The following H1-1 variants were observed in gnomAD, a reference collection of about 807,000 sequenced individuals.
The protein encoded by H1-1 is H1.1 linker histone, cluster member.
In H1-1, 2 loss-of-function variants were observed where a neutral mutation model predicts 0.8. The observed-to-expected ratio is 2.64, with a 90% CI of 1.08 to 8.30. The LOEUF (loss-of-function observed/expected upper bound fraction) is 8.30. Among genes scored for constraint, H1-1 ranks in the 30% most tolerant of loss-of-function variants. The pLI is 0.04. For missense variants in H1-1, 516 were observed against 262.6 expected (o/e 1.97, Z -6.67); for synonymous variants, 211 against 108.2 (o/e 1.95, Z -5.89).
rs751144903 is a variant in H1-1 at position 26,017,169 on chromosome 6, CTTAGCT to C, written c.558_563del (p.Lys188_Ala189del). On this transcript the variant is annotated inframe_deletion, in exon 1 of 1. Coordinates refer to ENST00000244573, the MANE Select transcript of H1-1 (RefSeq NM_005325.4). ...CCTTGGCCGCCTTGGGTTTTACAGC[CTTAGCT>C]TTAGCAGGGCTTTTAGCTACTTTCT... is the stretch of plus-strand genomic sequence containing the variant. 5.0e-6 allele frequency: 8 copies of C among 1,614,006 alleles called. No individual in the cohort carries two copies. In the Admixed American group the frequency reaches 1.3e-4, roughly 27 times the overall value.
rs769056610 is a variant in H1-1 at position 26,017,781 on chromosome 6, A to G, written c.-49T>C. 1 of 1,548,010 alleles carries G rather than the reference A, an allele frequency of 6.5e-7. No individual in the cohort carries two copies. The highest frequency in any genetic ancestry group is 8.8e-7 in the Non-Finnish European group (1 of 1,141,798). Reference sequence around the variant, plus strand: ...TAAAGTGGTATAAACCTGACGAAGCAGGATGCGAAAAAAAGGCCCCAACGC... The same window carrying G: ...TAAAGTGGTATAAACCTGACGAAGCGGGATGCGAAAAAAAGGCCCCAACGC... On this transcript the variant is annotated 5_prime_UTR_variant, in exon 1 of 1. Coordinates refer to ENST00000244573, the MANE Select transcript of H1-1 (RefSeq NM_005325.4).
At position 26,017,331 on chromosome 6, in the gene H1-1, A is replaced by T. The variant is rs1387173744; in HGVS notation, c.402T>A (p.Gly134=). ...SKVATKTKAT[G]ASKKLKKATG... ...TGGCCTTTTTGAGCTTTTTAGATGC[A>T]CCCGTTGCCTTAGTTTTTGTAGCCA... Residue 134 remains glycine (G), a synonymous_variant, in exon 1 of 1, where the codon GGT becomes GGA. Coordinates refer to ENST00000244573, the MANE Select transcript of H1-1 (RefSeq NM_005325.4). 6.2e-7 allele frequency: 1 copy of T among 1,613,620 alleles called. No homozygotes were observed. The highest frequency in any genetic ancestry group is 1.7e-5 in the Admixed American group (1 of 59,970).
In H1-1 at chr6:26,017,666, T is replaced by TG. The variant is rs771962054; in HGVS notation, c.66_67insC (p.Lys23GlnfsTer7). 3.7e-5 allele frequency: 60 copies of TG among 1,613,968 alleles called. No homozygotes were observed. The Admixed American group carries it at 8.7e-4, about 23-fold the overall frequency. ...GCAGCCTTAGCAGGTTTCTTTGCCT[T>TG]CTTGCCAGCTAAAGGTTTCTCAGGA... is the stretch of plus-strand genomic sequence containing the variant. On this transcript the variant is annotated frameshift_variant, in exon 1 of 1. Coordinates refer to ENST00000244573, the MANE Select transcript of H1-1 (RefSeq NM_005325.4). LOFTEE classifies it low-confidence loss of function (END_TRUNC).
rs1355502406 is a variant in H1-1, at chr6:26,017,384, C to T, written c.349G>A (p.Val117Met). 2 of 1,613,952 alleles carry T rather than the reference C, an allele frequency of 1.2e-6. No homozygotes were observed. The highest frequency in any genetic ancestry group is 1.7e-5 in the Admixed American group (1 of 59,994). The change falls in exon 1 of 1, where the codon GTG (valine) becomes ATG (methionine). Residue 117 changes from valine to methionine, a missense_variant. By Grantham distance (21) the Val-to-Met change is conservative. Coordinates refer to ENST00000244573, the MANE Select transcript of H1-1 (RefSeq NM_005325.4). Reference sequence around the variant, plus strand: ...TTTGAGGCGCCGGGCTTGGTTTCCACGGAGGACGCCTTCTTGTTGAGCTTG... The same window carrying T: ...TTTGAGGCGCCGGGCTTGGTTTCCATGGAGGACGCCTTCTTGTTGAGCTTG... ...SFKLNKKASS[V>M]ETKPGASKVA...
rs1761136853 is a variant in H1-1 at position 26,017,237 on chromosome 6, AG to A, written c.495del (p.Ser166ProfsTer10). 2 of 1,613,594 alleles carry A rather than the reference AG, an allele frequency of 1.2e-6. No homozygotes were observed. The highest frequency in any genetic ancestry group is 1.3e-5 in the African/African-American group (1 of 74,724). On this transcript the variant is annotated frameshift_variant, in exon 1 of 1. Transcript: ENST00000244573. LOFTEE classifies it low-confidence loss of function (END_TRUNC). ...KAKKPAATRKSSKNPKKPKTV... is the reference protein window; with the variant it reads ...KAKKPAATRKXSKNPKKPKTV... ...GTTTTGGGTTTTTTTGGATTCTTGG[AG>A]GATTTCCTTGTTGCCGCAGGCTTTT...
rs776480157 is a variant in H1-1 at position 26,017,288 on chromosome 6, T to C, written c.445A>G (p.Ser149Gly). The change falls in exon 1 of 1, where the codon AGC becomes GGC. Residue 149 changes from serine (S) to glycine (G), a missense_variant. By Grantham distance (56) the Ser-to-Gly change is moderately conservative (BLOSUM62 0). Transcript: ENST00000244573. ...TTAGCCTTTTTCGGAGTCTTGACGC[T>C]CTTTTTGCTAGCCCCCGTGGCCTTT... is the stretch of plus-strand genomic sequence containing the variant. ...LKKATGASKK[S>G]VKTPKKAKKP... is the part of the protein sequence containing the mutation. The C allele has an allele frequency of 1.2e-6, 2 of 1,614,026 alleles. No individual in the cohort carries two copies. The highest frequency in any genetic ancestry group is 8.5e-7 in the Non-Finnish European group (1 of 1,179,958).
chr6:26,017,152 G>A lies in H1-1; in HGVS notation c.581C>T (p.Ala194Val), dbSNP rs1341458731. ...PAKAKAVKPKAAKARVTKPKT... is the reference protein window; with the variant it reads ...PAKAKAVKPKVAKARVTKPKT... ...TGGCTTCGTCACCCTAGCCTTGGCC[G>A]CCTTGGGTTTTACAGCCTTAGCTTT... The change falls in exon 1 of 1, where the codon GCG (alanine) becomes GTG (valine). Residue 194 changes from alanine (A) to valine (V), a missense_variant. By Grantham distance (64) the Ala-to-Val change is moderately conservative. Coordinates refer to ENST00000244573, the MANE Select transcript of H1-1 (RefSeq NM_005325.4). 9 of 1,612,872 alleles carry A rather than the reference G, an allele frequency of 5.6e-6. No individual in the cohort carries two copies. The highest frequency in any genetic ancestry group is 7.6e-6 in the Non-Finnish European group (9 of 1,179,762).
rs761666400 is a variant in H1-1, at chr6:26,017,185, C to A, written c.548G>T (p.Ser183Ile). ...KTVKPKKVAK[S>I]PAKAKAVKPK... The stretch of plus-strand genomic sequence containing the variant: ...TTTTACAGCCTTAGCTTTAGCAGGG[C>A]TTTTAGCTACTTTCTTGGGCTTTAC... Residue 183 changes from serine to isoleucine, a missense_variant, in exon 1 of 1, where the codon AGC (serine) becomes ATC (isoleucine). Ser to Ile is a moderately radical substitution (Grantham distance 142). Transcript: ENST00000244573. The A allele has an allele frequency of 4.3e-6, 7 of 1,614,110 alleles. No individual in the cohort carries two copies. Among genetic ancestry groups the A allele is most frequent in the South Asian group, 2.2e-5 (2 of 91,082 alleles).
chr6:26,017,148 G>T lies in H1-1; in HGVS notation c.585C>A (p.Ala195=), dbSNP rs34998486. 6.2e-7 allele frequency: 1 copy of T among 1,612,164 alleles called. No individual in the cohort carries two copies. The highest frequency in any genetic ancestry group is 1.1e-5 in the South Asian group (1 of 90,814). ...TCTTTGGCTTCGTCACCCTAGCCTT[G>T]GCCGCCTTGGGTTTTACAGCCTTAG... The part of the protein sequence containing the change: ...AKAKAVKPKA[A]KARVTKPKTA... The change falls in exon 1 of 1, where the codon GCC becomes GCA. Residue 195 remains alanine (A), a synonymous_variant. Coordinates refer to ENST00000244573, the MANE Select transcript of H1-1 (RefSeq NM_005325.4).
At position 26,017,401 on chromosome 6, in the gene H1-1, T is replaced by A. The variant is rs774271253; in HGVS notation, c.332A>T (p.Asn111Ile). 1 of 1,614,128 alleles carries A rather than the reference T, an allele frequency of 6.2e-7. No homozygotes were observed. Among genetic ancestry groups the A allele is most frequent in the Non-Finnish European group, 8.5e-7 (1 of 1,180,020 alleles). Reference sequence around the variant, plus strand: ...GGTTTCCACGGAGGACGCCTTCTTGTTGAGCTTGAAGGAACCCGAGGCTCC... The same window carrying A: ...GGTTTCCACGGAGGACGCCTTCTTGATGAGCTTGAAGGAACCCGAGGCTCC... ...GTGASGSFKLNKKASSVETKP... is the reference protein window; with the variant it reads ...GTGASGSFKLIKKASSVETKP... The change falls in exon 1 of 1, where the codon AAC becomes ATC. Residue 111 changes from asparagine (N) to isoleucine (I), a missense_variant. Asn to Ile is a moderately radical substitution (Grantham distance 149). Coordinates refer to ENST00000244573, the MANE Select transcript of H1-1 (RefSeq NM_005325.4).
chr6:26,017,548 AACGACACACCACC>A lies in H1-1; in HGVS notation c.172_184del (p.Gly58TrpfsTer30). On this transcript the variant is annotated frameshift_variant, in exon 1 of 1. Coordinates refer to ENST00000244573, the MANE Select transcript of H1-1 (RefSeq NM_005325.4). LOFTEE classifies it low-confidence loss of function (END_TRUNC). ...CGCCAGCGCCTTTTTAAGAGCTGCC[AACGACACACCACC>A]ACGCTCCTTAGAGGAGGAAGCAGCC... is the stretch of plus-strand genomic sequence containing the variant. The A allele has an allele frequency of 6.2e-7, 1 of 1,614,086 alleles. No individual in the cohort carries two copies. Among genetic ancestry groups the A allele is most frequent in the South Asian group, 1.1e-5 (1 of 91,076 alleles).
Position 26,017,645 on chromosome 6 carries a change from C to A in H1-1, c.88G>T (p.Ala30Ser). Reference protein sequence around the residue: ...AGKKAKKPAKAAAASKKKPAG... With the variant: ...AGKKAKKPAKSAAASKKKPAG... ...GGTTTTTTCTTGGAGGCTGCTGCAGCCTTAGCAGGTTTCTTTGCCTTCTTG... is the reference window on the plus strand; with the variant it reads ...GGTTTTTTCTTGGAGGCTGCTGCAGACTTAGCAGGTTTCTTTGCCTTCTTG... The change falls in exon 1 of 1, where the codon GCT becomes TCT. Residue 30 changes from alanine to serine, a missense_variant. Transcript: ENST00000244573. 6.2e-7 allele frequency: 1 copy of A among 1,614,166 alleles called. No homozygotes were observed. Among genetic ancestry groups the A allele is most frequent in the Non-Finnish European group, 8.5e-7 (1 of 1,180,048 alleles).
rs145757054 is a variant in H1-1, at chr6:26,017,540, G to C, written c.193C>G (p.Leu65Val). ...CCTGCGGCCGCCAGCGCCTTTTTAA[G>C]AGCTGCCAACGACACACCACCACGC... is the stretch of plus-strand genomic sequence containing the variant. ...KERGGVSLAALKKALAAAGYD... is the reference protein window; with the variant it reads ...KERGGVSLAAVKKALAAAGYD... Residue 65 changes from leucine (L) to valine (V), a missense_variant, in exon 1 of 1, where the codon CTT becomes GTT. Transcript: ENST00000244573. 1 of 1,614,188 alleles carries C rather than the reference G, an allele frequency of 6.2e-7. No homozygotes were observed. The highest frequency in any genetic ancestry group is 2.2e-5 in the East Asian group (1 of 44,876).
rs752788356 is a variant in H1-1 at position 26,017,299 on chromosome 6, G to A, written c.434C>T (p.Ala145Val). The A allele has an allele frequency of 1.2e-6, 2 of 1,613,908 alleles. No individual in the cohort carries two copies. Among genetic ancestry groups the A allele is most frequent in the South Asian group, 1.1e-5 (1 of 91,070 alleles). The change falls in exon 1 of 1, where the codon GCT (alanine) becomes GTT (valine). Residue 145 changes from alanine (A) to valine (V), a missense_variant. Ala to Val is a moderately conservative substitution (Grantham distance 64). Transcript: ENST00000244573. ...CGGAGTCTTGACGCTCTTTTTGCTA[G>A]CCCCCGTGGCCTTTTTGAGCTTTTT... ...ASKKLKKATG[A>V]SKKSVKTPKK...
Position 26,017,217 on chromosome 6 carries a change from G to T in H1-1, c.516C>A (p.Pro172=), listed in dbSNP as rs747380091. The T allele has an allele frequency of 1.2e-6, 2 of 1,614,062 alleles. No individual in the cohort carries two copies. Among genetic ancestry groups the T allele is most frequent in the South Asian group, 1.1e-5 (1 of 91,080 alleles). ...CTACTTTCTTGGGCTTTACAGTTTTGGGTTTTTTTGGATTCTTGGAGGATT... is the reference window on the plus strand; with the variant it reads ...CTACTTTCTTGGGCTTTACAGTTTTTGGTTTTTTTGGATTCTTGGAGGATT... ...TRKSSKNPKK[P]KTVKPKKVAK... The change falls in exon 1 of 1, where the codon CCC becomes CCA. Residue 172 remains proline (P), a synonymous_variant. Transcript: ENST00000244573.
Position 26,017,667 on chromosome 6 carries a change from C to T in H1-1, c.66G>A (p.Lys22=), listed in dbSNP as rs759006919. Residue 22 remains lysine (K), a synonymous_variant, in exon 1 of 1, where the codon AAG becomes AAA. Coordinates refer to ENST00000244573, the MANE Select transcript of H1-1 (RefSeq NM_005325.4). The part of the protein sequence containing the change: ...SAAPEKPLAG[K]KAKKPAKAAA... ...CAGCCTTAGCAGGTTTCTTTGCCTT[C>T]TTGCCAGCTAAAGGTTTCTCAGGAG... is the stretch of plus-strand genomic sequence containing the variant. The T allele has an allele frequency of 3.7e-6, 6 of 1,614,044 alleles. No individual in the cohort carries two copies. In the South Asian group the frequency reaches 4.4e-5, roughly 12 times the overall value.
At position 26,017,747 on chromosome 6, in the gene H1-1, C is replaced by T. The variant is rs1761156679; in HGVS notation, c.-15G>A. 3 of 1,604,838 alleles carry T rather than the reference C, an allele frequency of 1.9e-6. No homozygotes were observed. The highest frequency in any genetic ancestry group is 2.6e-6 in the Non-Finnish European group (3 of 1,175,228). On this transcript the variant is annotated 5_prime_UTR_variant, in exon 1 of 1. Transcript: ENST00000244573. ...GTTTCAGACATGGTGACTAACACAG[C>T]ACACCAAATAAAGTGGTATAAACCT...
rs774107659 is a variant in H1-1 at position 26,017,649 on chromosome 6, A to G, written c.84T>C (p.Ala28=). The stretch of plus-strand genomic sequence containing the variant: ...TTTTCTTGGAGGCTGCTGCAGCCTT[A>G]GCAGGTTTCTTTGCCTTCTTGCCAG... ...PLAGKKAKKP[A]KAAAASKKKP... is the part of the protein sequence containing the mutation. The change falls in exon 1 of 1, where the codon GCT becomes GCC. Residue 28 remains alanine (A), a synonymous_variant. Transcript: ENST00000244573. The G allele has an allele frequency of 9.9e-6, 16 of 1,614,036 alleles. No homozygotes were observed. The highest frequency in any genetic ancestry group is 5.0e-5 in the Admixed American group (3 of 59,988).
In H1-1 at chr6:26,017,212, G is replaced by C. The variant is rs1326921009; in HGVS notation, c.521C>G (p.Thr174Ser). The change falls in exon 1 of 1, where the codon ACT (threonine) becomes AGT (serine). Residue 174 changes from threonine (T) to serine (S), a missense_variant. By Grantham distance (58) the Thr-to-Ser change is moderately conservative (BLOSUM62 1). Coordinates refer to ENST00000244573, the MANE Select transcript of H1-1 (RefSeq NM_005325.4). ...TTTAGCTACTTTCTTGGGCTTTACA[G>C]TTTTGGGTTTTTTTGGATTCTTGGA... ...KSSKNPKKPK[T>S]VKPKKVAKSP... 1.2e-6 allele frequency: 2 copies of C among 1,614,052 alleles called. No individual in the cohort carries two copies. The highest frequency in any genetic ancestry group is 1.3e-5 in the African/African-American group (1 of 74,910).
Sources: allele counts gnomAD v4.1 joint callset, GRCh38; gene constraint gnomAD v4.1.1; transcripts MANE v1.5; gene names NCBI Gene and HGNC (gene_info 2026-07-23, HGNC 2026-07-21).